EEFSEC: variants seen among roughly 807,000 people sequenced by gnomAD.
EEFSEC encodes the protein eukaryotic elongation factor, selenocysteine-tRNA specific, also known as selenocysteine-specific elongation factor.
In EEFSEC, 43 loss-of-function variants were observed where a neutral mutation model predicts 42.1. That is an observed-to-expected ratio of 1.02 (90% CI 0.80 to 1.32). The LOEUF (loss-of-function observed/expected upper bound fraction) is 1.32. Ranked by LOEUF, EEFSEC falls within the 40% of genes most tolerant of loss-of-function variation. EEFSEC has a pLI of 0.00. For missense variants in EEFSEC, 745 were observed against 803.6 expected (o/e 0.93, Z 0.88); for synonymous variants, 354 against 339.1 (o/e 1.04, Z -0.48).
chr3:128,212,969 C>A (rs1224817071), intron 1 of EEFSEC, among the ~76,000 whole-genome samples: 1 of 152,242 alleles, frequency 6.6e-6, no homozygotes, highest in Non-Finnish European at 1.5e-5. Flanking sequence ...CCTCTGCTAG[C>A]ACACATCTGC....
At chr3:128,389,353 C>T (rs2067880532) in intron 6 of EEFSEC, among the ~76,000 whole-genome samples, 1 of 152,238 alleles carries the variant, frequency 6.6e-6, no homozygotes, top group East Asian at 1.9e-4. Context: ...GTCCACATTT[C>T]CCCACACAGA....
chr3:128,168,601 G>A (rs564864307), intron 1 of EEFSEC, among the ~76,000 whole-genome samples: 2 of 152,222 alleles, frequency 1.3e-5, no homozygotes, highest in African/African-American at 2.4e-5. Flanking sequence ...CAGCTAGCCA[G>A]TTTCACCCTT....
intron 2 of EEFSEC, among the ~76,000 whole-genome samples, chr3:128,259,969 T>C (rs1441596482): frequency 6.6e-6 from 1 of 152,242 alleles, no homozygotes; most frequent in African/African-American, 2.4e-5. Context: ...TGAATAGTGC[T>C]ACTCTGGACA....
At chr3:128,194,654 A>G (rs2065562620) in intron 1 of EEFSEC, among the ~76,000 whole-genome samples, 2 of 152,248 alleles carry the variant, frequency 1.3e-5, no homozygotes, top group Admixed American at 6.5e-5. Flanking sequence ...CAAATGAAGC[A>G]AAATAAGGTA....
At chr3:128,265,952 G>GT (rs1170108815) in intron 4 of EEFSEC, among the ~76,000 whole-genome samples, 2 of 152,178 alleles carry the variant, frequency 1.3e-5, no homozygotes, top group Admixed American at 6.5e-5. Flanking sequence ...AAATAGATAC[G>GT]TTTTTTAAGG....
At chr3:128,270,289 T>A (rs1276635189) in intron 4 of EEFSEC, among the ~76,000 whole-genome samples, 1 of 152,228 alleles carries the variant, frequency 6.6e-6, no homozygotes, top group African/African-American at 2.4e-5. Flanking sequence ...CCTTCCTGGG[T>A]GTAAGGTCCT....
intron 1 of EEFSEC, among the ~76,000 whole-genome samples, chr3:128,230,912 A>T (rs371084989): frequency 3.8e-4 from 58 of 152,250 alleles, no homozygotes; most frequent in African/African-American, 1.4e-3. Flanking sequence ...CTTGGAGATC[A>T]CTGGGTGCTC....
chr3:128,188,639 C>T (rs1054356550), intron 1 of EEFSEC, among the ~76,000 whole-genome samples: 2 of 152,230 alleles, frequency 1.3e-5, no homozygotes, highest in Non-Finnish European at 2.9e-5. Flanking sequence ...TATTGTTCCA[C>T]AGTATCGCAT....
intron 1 of EEFSEC, among the ~76,000 whole-genome samples, chr3:128,218,650 G>A (rs968494264): frequency 3.3e-5 from 5 of 152,078 alleles, no homozygotes; most frequent in South Asian, 2.1e-4. Context: ...TCATTGTTTC[G>A]GCACTTAAGT....
intron 1 of EEFSEC, among the ~76,000 whole-genome samples, chr3:128,230,207 C>CA (rs1481342385): frequency 6.7e-6 from 1 of 149,996 alleles, no homozygotes; most frequent in Non-Finnish European, 1.5e-5. Flanking sequence ...AATACAGTGG[C>CA]ACGATCATAG....
chr3:128,398,733 G>T (rs910991409), intron 6 of EEFSEC, among the ~76,000 whole-genome samples: 12 of 152,328 alleles, frequency 7.9e-5, no homozygotes, highest in African/African-American at 2.4e-4. Flanking sequence ...CCCACTCGCA[G>T]CTGTGTGAGC....
intron 1 of EEFSEC, among the ~76,000 whole-genome samples, chr3:128,167,721 G>T (rs1461848135): frequency 1.3e-5 from 2 of 152,242 alleles, no homozygotes; most frequent in African/African-American, 2.4e-5. Context: ...TAGAGAAGCA[G>T]TTCTCAAACA....
chr3:128,391,855 A>G (rs3849532), intron 6 of EEFSEC, among the ~76,000 whole-genome samples: 1,647 of 152,294 alleles, frequency 0.011, 20 homozygotes, highest in African/African-American at 0.038. Context: ...AAAGACAAGC[A>G]ACGAATGCAG....
intron 4 of EEFSEC, among the ~76,000 whole-genome samples, chr3:128,301,863 A>C (rs2066773351): frequency 6.6e-6 from 1 of 152,134 alleles, no homozygotes; most frequent in Non-Finnish European, 1.5e-5. Flanking sequence ...CATGGGGGGC[A>C]GGAAATGAGG....
At chr3:128,425,156 C>T in the EEFSEC span, among the ~76,000 whole-genome samples, 1 of 152,190 alleles carries the variant, frequency 6.6e-6, no homozygotes, top group African/African-American at 2.4e-5. Context: ...CAGGTGCACC[C>T]CCATGCTTCA....
chr3:128,175,808 G>A (rs1418312138), intron 1 of EEFSEC, among the ~76,000 whole-genome samples: 2 of 152,328 alleles, frequency 1.3e-5, no homozygotes, highest in East Asian at 1.9e-4. Flanking sequence ...AGGCCTCAGC[G>A]TGGGGCCTGG....
intron 6 of EEFSEC, among the ~76,000 whole-genome samples, chr3:128,404,931 C>T (rs2068091660): frequency 6.6e-6 from 1 of 152,216 alleles, no homozygotes; most frequent in Non-Finnish European, 1.5e-5. Context: ...TTCCGCCTGC[C>T]AGAGGGAGAC....
At chr3:128,348,029 T>C (rs2067333331) in intron 5 of EEFSEC, among the ~76,000 whole-genome samples, 1 of 152,176 alleles carries the variant, frequency 6.6e-6, no homozygotes, top group Admixed American at 6.5e-5. Context: ...TAAACAAATA[T>C]TTGTAGAACA....
chr3:128,170,218 T>A (rs916967491), intron 1 of EEFSEC, among the ~76,000 whole-genome samples: 5 of 152,190 alleles, frequency 3.3e-5, no homozygotes, highest in African/African-American at 1.2e-4. Context: ...ATTTTTCTGC[T>A]GTTGATTTTC....
Sources: gnomAD v4.1 joint callset for allele counts (sites outside exome capture counted in the v4.1 genomes callset) on GRCh38, gnomAD v4.1.1 for gene constraint, MANE v1.5 for transcripts, NCBI Gene and HGNC (gene_info 2026-07-23, HGNC 2026-07-21) for gene names.